The following F2RL2 variants were observed in gnomAD, a reference collection of about 807,000 sequenced individuals.
F2RL2 encodes coagulation factor II thrombin receptor like 2.
Under a neutral mutation model 4.3 loss-of-function variants are expected in F2RL2, and 4 were observed. The ratio of observed to expected loss-of-function variants is 0.93; its 90% CI spans 0.46 to 2.12. The LOEUF (loss-of-function observed/expected upper bound fraction) is 2.12, where lower values mean the gene tolerates loss of function less well. Among genes scored for constraint, F2RL2 ranks in the 30% most tolerant of loss-of-function variants. F2RL2 has a pLI of 0.02. For missense variants in F2RL2, 408 were observed against 449.3 expected (o/e 0.91, Z 0.83); for synonymous variants, 166 against 170.9 (o/e 0.97, Z 0.22).
chr5:76,620,486 A>G (rs917200829), intron 1 of F2RL2, among the ~76,000 whole-genome samples: 1 of 152,134 alleles, frequency 6.6e-6, no homozygotes, highest in African/African-American at 2.4e-5. Flanking sequence ...AGACAAGGAG[A>G]CAGGATCGGG....
Position 76,623,387 on chromosome 5 carries a change from G to T in F2RL2, c.-157C>A. On this transcript the variant is annotated 5_prime_UTR_variant, in exon 1 of 2. Coordinates refer to ENST00000296641, the MANE Select transcript of F2RL2 (RefSeq NM_004101.4). ...CCGTGCAGGCAGGAAACTTGCCCTG[G>T]TCCTCCGCAGGGAAAGGATGTAATC... 1.4e-6 allele frequency: 1 copy of T among 732,286 alleles called. No homozygotes were observed. The highest frequency in any genetic ancestry group is 2.2e-6 in the Non-Finnish European group (1 of 445,678). The allele number at this position is 732,286 out of a possible 1,614,324, so 45.4% of individuals were successfully genotyped here. A position where few individuals can be genotyped will look rare whatever the true frequency, so the allele number is the denominator to read the frequency against.
rs1749882705 is a variant in F2RL2, at chr5:76,623,203, CAGCAGCT to C, written c.21_27del (p.Ala9SerfsTer56). 2 of 1,614,168 alleles carry C rather than the reference CAGCAGCT, an allele frequency of 1.2e-6. No individual in the cohort carries two copies. Among genetic ancestry groups the C allele is most frequent in the Non-Finnish European group, 8.5e-7 (1 of 1,180,032 alleles). On this transcript the variant is annotated frameshift_variant, in exon 1 of 2. Coordinates refer to ENST00000296641, the MANE Select transcript of F2RL2 (RefSeq NM_004101.4). LOFTEE classifies it low-confidence loss of function (END_TRUNC). ...AAAGTGGGCAACAGAAGCAGGAGGC[CAGCAGCT>C]GCAAAGATGAGGGCTTTCATTTTGA...
chr5:76,619,289 G>C (rs1749352920), intron 1 of F2RL2, among the ~76,000 whole-genome samples: 1 of 151,898 alleles, frequency 6.6e-6, no homozygotes, highest in African/African-American at 2.4e-5. Flanking sequence ...TGAAAGAGTG[G>C]GTGACAGCTA....
chr5:76,617,467 C>A lies in F2RL2; in HGVS notation c.*115G>T. On this transcript the variant is annotated 3_prime_UTR_variant, in exon 2 of 2. Transcript: ENST00000296641. ...TACTAATGCTTTTGTAATGTTTGACCTTTGAAGCATATTTCTTAGGAGCTC... is the reference window on the plus strand; with the variant it reads ...TACTAATGCTTTTGTAATGTTTGACATTTGAAGCATATTTCTTAGGAGCTC... 1 of 742,832 alleles carries A rather than the reference C, an allele frequency of 1.3e-6. No individual in the cohort carries two copies. Among genetic ancestry groups the A allele is most frequent in the Admixed American group, 2.7e-5 (1 of 36,498 alleles). The allele number at this position is 742,832 out of a possible 1,614,324, so 46.0% of individuals were successfully genotyped here.
rs371304065 is a variant in F2RL2, at chr5:76,615,560, A to T, written c.*2022T>A. The T allele has an allele frequency of 3.9e-5, 6 of 152,218 alleles. No homozygotes were observed. Among genetic ancestry groups the T allele is most frequent in the Non-Finnish European group, 2.9e-5 (2 of 68,024 alleles). The allele number at this position is 152,218 out of a possible 1,614,324, so 9.4% of individuals were successfully genotyped here. A position where few individuals can be genotyped will look rare whatever the true frequency, so the allele number is the denominator to read the frequency against. On this transcript the variant is annotated 3_prime_UTR_variant, in exon 2 of 2. Transcript: ENST00000296641. Reference sequence around the variant, plus strand: ...AAGGCAGATTCGTACAGACTTGTAAAGTCATCTCAGGAATCTTTTATGCTT... The same window carrying T: ...AAGGCAGATTCGTACAGACTTGTAATGTCATCTCAGGAATCTTTTATGCTT...
chr5:76,622,977 A>G (rs550508171), intron 1 of F2RL2, among the ~76,000 whole-genome samples, 190 bp downstream of exon 1: 2 of 152,362 alleles, frequency 1.3e-5, no homozygotes, highest in South Asian at 4.1e-4. Context: ...CACTTAGTCT[A>G]TGACCAGGTT....
intron 1 of F2RL2, 126 bp from the exon 2 acceptor site, chr5:76,618,768 T>C (rs376633552): frequency 4.8e-6 from 4 of 839,706 alleles, no homozygotes; most frequent in East Asian, 2.7e-5. Context: ...AAAGTTATTG[T>C]AGATTAGGCA....
intron 1 of F2RL2, among the ~76,000 whole-genome samples, chr5:76,620,804 A>AAGAAGT (rs1238764863): frequency 3.3e-5 from 5 of 152,326 alleles, no homozygotes; most frequent in Admixed American, 2.6e-4. Context: ...ATGAGGACCT[A>AAGAAGT]AGAAGTTGGA....
Position 76,617,617 on chromosome 5 carries a change from T to G in F2RL2, c.1090A>C (p.Thr364Pro), listed in dbSNP as rs1749111709. The change falls in exon 2 of 2, where the codon ACC becomes CCC. Residue 364 changes from threonine to proline, a missense_variant. Transcript: ENST00000296641. ...DPFLYFLMSK[T>P]RNHSTAYLTK ...AGGTAAGCAGTGGAGTGATTTCTGGTTTTTGACATGAGAAAATAAAGGAAT... is the reference window on the plus strand; with the variant it reads ...AGGTAAGCAGTGGAGTGATTTCTGGGTTTTGACATGAGAAAATAAAGGAAT... 6.2e-7 allele frequency: 1 copy of G among 1,613,230 alleles called. No homozygotes were observed. Among genetic ancestry groups the G allele is most frequent in the Non-Finnish European group, 8.5e-7 (1 of 1,179,654 alleles).
intron 1 of F2RL2, among the ~76,000 whole-genome samples, chr5:76,621,061 T>C (rs1749614690): frequency 6.6e-6 from 1 of 152,242 alleles, no homozygotes; most frequent in African/African-American, 2.4e-5. Context: ...CTCATTCTTA[T>C]CGATTTAAAA....
At chr5:76,620,190 T>A (rs1749499231) in intron 1 of F2RL2, among the ~76,000 whole-genome samples, 1 of 152,176 alleles carries the variant, frequency 6.6e-6, no homozygotes, top group Non-Finnish European at 1.5e-5. Flanking sequence ...GTTTTTAAGA[T>A]GACTTAGGTA....
At chr5:76,619,661 C>T (rs1217509868) in intron 1 of F2RL2, among the ~76,000 whole-genome samples, 2 of 151,914 alleles carry the variant, frequency 1.3e-5, no homozygotes, top group East Asian at 1.9e-4. Context: ...GGACTACAAG[C>T]GCCCGCCACC....
intron 1 of F2RL2, among the ~76,000 whole-genome samples, chr5:76,622,174 C>T (rs1749759697): frequency 6.6e-6 from 1 of 152,160 alleles, no homozygotes; most frequent in Admixed American, 6.5e-5. Flanking sequence ...CAGAGGCCCC[C>T]GTTTTCACCT....
At chr5:76,619,935 A>G (rs899451224) in intron 1 of F2RL2, among the ~76,000 whole-genome samples, 1 of 152,286 alleles carries the variant, frequency 6.6e-6, no homozygotes, top group Admixed American at 6.5e-5. Context: ...TGAAGATGCT[A>G]TGCTGCTGGC....
Position 76,617,710 on chromosome 5 carries a change from T to G in F2RL2, c.997A>C (p.Thr333Pro). ...AGATATATAAAATATAAGCCATCAG[T>G]GTTGTTGTAGTAGTAGTTAGCATGG... ...IHHANYYYNN[T>P]DGLYFIYLIA... The change falls in exon 2 of 2, where the codon ACT (threonine) becomes CCT (proline). Residue 333 changes from threonine (T) to proline (P), a missense_variant. By Grantham distance (38) the Thr-to-Pro change is conservative. Transcript: ENST00000296641. 1 of 1,614,136 alleles carries G rather than the reference T, an allele frequency of 6.2e-7. No homozygotes were observed. The highest frequency in any genetic ancestry group is 8.5e-7 in the Non-Finnish European group (1 of 1,179,998).
intron 1 of F2RL2, among the ~76,000 whole-genome samples, chr5:76,620,460 TA>T: frequency 6.6e-6 from 1 of 152,166 alleles, no homozygotes; most frequent in East Asian, 1.9e-4. Flanking sequence ...AGGATGCCAT[TA>T]ACTGAGTTGG....
chr5:76,623,234 G>C lies in F2RL2; in HGVS notation c.-4C>G. ...CTGCAAAGATGAGGGCTTTCATTTT[G>C]ATGACCTGAGTCCCGTCTCTTAAAC... On this transcript the variant is annotated 5_prime_UTR_variant, in exon 1 of 2. In the 5' UTR this introduces an upstream ATG that the reference lacks. Coordinates refer to ENST00000296641, the MANE Select transcript of F2RL2 (RefSeq NM_004101.4). The C allele has an allele frequency of 6.2e-7, 1 of 1,614,150 alleles. No individual in the cohort carries two copies. The highest frequency in any genetic ancestry group is 2.2e-5 in the East Asian group (1 of 44,888).
At chr5:76,619,659 A>G (rs987506112) in intron 1 of F2RL2, among the ~76,000 whole-genome samples, 3 of 151,518 alleles carry the variant, frequency 2.0e-5, no homozygotes, top group Non-Finnish European at 4.4e-5. Flanking sequence ...TGGGACTACA[A>G]GCGCCCGCCA....
chr5:76,622,152 C>G (rs1416509764), intron 1 of F2RL2, among the ~76,000 whole-genome samples: 1 of 152,098 alleles, frequency 6.6e-6, no homozygotes, highest in Non-Finnish European at 1.5e-5. Context: ...TTCACTGCCT[C>G]TTTGTTTCCT....
Sources: allele counts gnomAD v4.1 joint callset (sites outside exome capture counted in the v4.1 genomes callset), GRCh38; gene constraint gnomAD v4.1.1; transcripts MANE v1.5; gene names NCBI Gene and HGNC (gene_info 2026-07-23, HGNC 2026-07-21).